The following MVB12B variants were observed in gnomAD, a reference collection of about 807,000 sequenced individuals.
MVB12B encodes the protein ESCRT-I complex subunit MVB12B.
A neutral mutation model predicts 41.6 loss-of-function variants in MVB12B; 16 were observed. The ratio of observed to expected loss-of-function variants is 0.38; its 90% CI spans 0.26 to 0.58. The LOEUF is 0.58. MVB12B is among the 20% of genes least tolerant of loss of function. The pLI is 0.62. For synonymous variants in MVB12B, 133 were observed against 139.7 expected (o/e 0.95, Z 0.34); for missense variants, 274 against 380.2 (o/e 0.72, Z 2.32).
At chr9:126,440,124 G>A (rs1473747870) in intron 7 of MVB12B, among the ~76,000 whole-genome samples, 2 of 152,120 alleles carry the variant, frequency 1.3e-5, no homozygotes, top group African/African-American at 4.8e-5. Context: ...GCAGACACTC[G>A]AGGGTCAGCG....
intron 9 of MVB12B, among the ~76,000 whole-genome samples, chr9:126,502,362 G>C (rs1282009008): frequency 2.0e-5 from 3 of 152,098 alleles, no homozygotes; most frequent in Admixed American, 6.5e-5. Context: ...CCTCTTAAGT[G>C]AACTACAGGT....
At chr9:126,355,250 C>T (rs1588099730) in intron 2 of MVB12B, among the ~76,000 whole-genome samples, 1 of 152,288 alleles carries the variant, frequency 6.6e-6, no homozygotes, top group Admixed American at 6.5e-5. Context: ...CTGATGACCC[C>T]AAGCCAGACT....
At chr9:126,490,755 CAT>C in intron 9 of MVB12B, among the ~76,000 whole-genome samples, 1 of 152,314 alleles carries the variant, frequency 6.6e-6, no homozygotes, top group East Asian at 1.9e-4. Context: ...TGTTTGCAGA[CAT>C]ATTTAATGAA....
chr9:126,480,758 C>T lies in MVB12B; in HGVS notation c.758-611C>T, dbSNP rs1016684800. ...CAGCGCTGGCCAGGTGCCCCACACA[C>T]TCCACTTCTGATGCACAGGCACCCT... On this transcript the variant is annotated intron_variant, in intron 7 of 9. Transcript: ENST00000361171. The surrounding 1 kb of genome is among the most constrained non-coding windows in gnomAD (Gnocchi z 4.9). The T allele has an allele frequency of 2.6e-5, 4 of 152,600 alleles. No individual in the cohort carries two copies. Among genetic ancestry groups the T allele is most frequent in the African/African-American group, 9.6e-5 (4 of 41,454 alleles). The allele number at this position is 152,600 out of a possible 1,614,324, so 9.5% of individuals were successfully genotyped here. A position where few individuals can be genotyped will look rare whatever the true frequency, so the allele number is the denominator to read the frequency against.
intron 2 of MVB12B, among the ~76,000 whole-genome samples, chr9:126,357,013 G>T (rs541800118): frequency 6.6e-6 from 1 of 152,060 alleles, no homozygotes; most frequent in South Asian, 2.1e-4. Flanking sequence ...AGCAATGCAA[G>T]AATGGCCTAA....
intron 6 of MVB12B, chr9:126,396,664 C>T: frequency 1.4e-5 from 14 of 985,440 alleles, no homozygotes; most frequent in Non-Finnish European, 1.3e-5. Flanking sequence ...TAATGAGGCT[C>T]CAAAGCCCTG....
At chr9:126,398,663 C>T (rs1158118873) in intron 6 of MVB12B, among the ~76,000 whole-genome samples, 1 of 152,136 alleles carries the variant, frequency 6.6e-6, no homozygotes, top group African/African-American at 2.4e-5. Context: ...GACGCAGCGC[C>T]CTCTACTGCC....
intron 7 of MVB12B, among the ~76,000 whole-genome samples, chr9:126,441,646 A>T (rs1264797597): frequency 1.3e-5 from 2 of 152,242 alleles, no homozygotes; most frequent in East Asian, 3.8e-4. Context: ...TGATTATTAT[A>T]TAGTTAATTA....
At chr9:126,397,645 T>C in intron 6 of MVB12B, 1 of 985,438 alleles carries the variant, frequency 1.0e-6, no homozygotes, top group Non-Finnish European at 1.2e-6. Context: ...CAAGTTCTCC[T>C]GTGCGGTAAT....
At chr9:126,444,633 T>A (rs1832720668) in intron 7 of MVB12B, among the ~76,000 whole-genome samples, 1 of 152,196 alleles carries the variant, frequency 6.6e-6, no homozygotes. Flanking sequence ...GTACTTTCAT[T>A]TCATGTTTCC....
At chr9:126,420,823 G>A (rs1272285572) in intron 6 of MVB12B, among the ~76,000 whole-genome samples, 2 of 151,830 alleles carry the variant, frequency 1.3e-5, no homozygotes, top group African/African-American at 2.4e-5. Flanking sequence ...GATTATAAGC[G>A]TGAGCCACCG....
chr9:126,420,561 CTTTTTTTTTTTTT>C (rs567217742), intron 6 of MVB12B, among the ~76,000 whole-genome samples: 31 of 98,876 alleles, frequency 3.1e-4, no homozygotes, highest in African/African-American at 1.1e-3. Flanking sequence ...TCCCAGGAGT[CTTTTTTTTTTTTT>C]TTTTTTTTTT....
At chr9:126,463,562 G>T (rs908973483) in intron 7 of MVB12B, among the ~76,000 whole-genome samples, 1 of 152,146 alleles carries the variant, frequency 6.6e-6, no homozygotes, top group Non-Finnish European at 1.5e-5. Flanking sequence ...TCTTTATTTG[G>T]TCTATCCCTG....
intron 2 of MVB12B, among the ~76,000 whole-genome samples, chr9:126,375,392 C>T (rs1301129468): frequency 4.9e-5 from 3 of 61,336 alleles, no homozygotes; most frequent in African/African-American, 7.8e-5. Context: ...TGTCAAATAG[C>T]CTTAGGTGCA....
chr9:126,396,981 ACT>A, intron 6 of MVB12B: 7 of 985,558 alleles, frequency 7.1e-6, no homozygotes, highest in Non-Finnish European at 8.4e-6. Context: ...GCTGAGGGTC[ACT>A]GTCTCCTGTG....
intron 2 of MVB12B, among the ~76,000 whole-genome samples, chr9:126,359,698 G>C (rs567693412): frequency 2.0e-5 from 3 of 151,988 alleles, no homozygotes; most frequent in Non-Finnish European, 4.4e-5. Flanking sequence ...ATATTTCCTT[G>C]TTATCCTTTT....
At chr9:126,476,196 A>G (rs563251232) in intron 7 of MVB12B, among the ~76,000 whole-genome samples, 2 of 152,114 alleles carry the variant, frequency 1.3e-5, no homozygotes, top group East Asian at 3.9e-4. Flanking sequence ...ATGGTCTCAC[A>G]TCTCATCTTT....
intron 6 of MVB12B, among the ~76,000 whole-genome samples, chr9:126,415,624 T>C (rs1831795678): frequency 6.6e-6 from 1 of 152,192 alleles, no homozygotes; most frequent in Non-Finnish European, 1.5e-5. Context: ...CAAGGCTTCC[T>C]GGAAGTTTCC....
intron 7 of MVB12B, among the ~76,000 whole-genome samples, chr9:126,463,220 T>G (rs921049871): frequency 2.0e-5 from 3 of 152,102 alleles, no homozygotes; most frequent in Non-Finnish European, 2.9e-5. Flanking sequence ...TGGTGTGTGT[T>G]CTCCTGCCTC....
Sources: gnomAD v4.1 joint callset for allele counts (sites outside exome capture counted in the v4.1 genomes callset) on GRCh38, gnomAD v4.1.1 for gene constraint, Gnocchi (gnomAD v3.1) non-coding constraint, MANE v1.5 for transcripts, NCBI Gene and HGNC (gene_info 2026-07-23, HGNC 2026-07-21) for gene names.